Variants in FRMD4A observed in about 807,000 individuals in gnomAD.
FRMD4A encodes FERM domain containing 4A.
In FRMD4A, 29 loss-of-function variants were observed where a neutral mutation model predicts 129.1. The observed-to-expected ratio is 0.22, with a 90% CI of 0.17 to 0.31. The LOEUF is 0.31. FRMD4A is among the 10% of genes least tolerant of loss of function. FRMD4A has a pLI of 1.00. For missense variants in FRMD4A, 1,272 were observed against 1,375.8 expected (o/e 0.92, Z 1.19); for synonymous variants, 634 against 571.6 (o/e 1.11, Z -1.56).
chr10:14,064,843 G>A (rs1249881513), intron 2 of FRMD4A, among the ~76,000 whole-genome samples: 3 of 152,146 alleles, frequency 2.0e-5, no homozygotes, highest in Non-Finnish European at 4.4e-5. Context: ...CTCCCAAAGT[G>A]CTGGGAGTAA....
At chr10:13,685,522 T>C (rs2084989884) in intron 15 of FRMD4A, 1 of 985,214 alleles carries the variant, frequency 1.0e-6, no homozygotes, top group African/African-American at 1.7e-5. Context: ...CTTGTTAGGC[T>C]ATTGCAATAC....
intron 2 of FRMD4A, chr10:13,866,296 A>C: frequency 1.0e-6 from 1 of 981,432 alleles, no homozygotes; most frequent in Non-Finnish European, 1.2e-6. Context: ...ACAGTCCCTT[A>C]AACCACAGGA....
At chr10:13,853,853 A>C (rs962598926) in intron 3 of FRMD4A, among the ~76,000 whole-genome samples, 5 of 150,080 alleles carry the variant, frequency 3.3e-5, no homozygotes, top group East Asian at 1.9e-4. Flanking sequence ...AAAAAAAAAA[A>C]CCCAAAAAGT....
intron 2 of FRMD4A, among the ~76,000 whole-genome samples, chr10:13,878,830 A>AGGAAGGAAGGAAGGAT (rs2094517465): frequency 6.7e-6 from 1 of 149,678 alleles, no homozygotes; most frequent in Non-Finnish European, 1.5e-5. Context: ...GAGGGAAGGA[A>AGGAAGGAAGGAAGGAT]GGAAGGAAGG....
chr10:13,739,283 C>T (rs1172921578), intron 11 of FRMD4A, among the ~76,000 whole-genome samples: 3 of 152,184 alleles, frequency 2.0e-5, no homozygotes, highest in African/African-American at 7.2e-5. Flanking sequence ...ACCCCTGCCT[C>T]TGGGAAGCAG....
intron 2 of FRMD4A, among the ~76,000 whole-genome samples, chr10:14,106,017 G>A (rs1454004210): frequency 6.6e-6 from 1 of 152,212 alleles, no homozygotes; most frequent in East Asian, 1.9e-4. Flanking sequence ...ATTCTTTAGG[G>A]ATTGCAAATG....
intron 2 of FRMD4A, among the ~76,000 whole-genome samples, chr10:14,310,691 A>G (rs1343245710): frequency 6.6e-6 from 1 of 152,160 alleles, no homozygotes; most frequent in African/African-American, 2.4e-5. Context: ...GCGCTATGCA[A>G]AGGGCACACC....
intron 2 of FRMD4A, among the ~76,000 whole-genome samples, chr10:14,296,438 C>T (rs775474863): frequency 7.9e-5 from 12 of 152,176 alleles, no homozygotes; most frequent in Non-Finnish European, 1.8e-4. Context: ...GCCTCTGGGC[C>T]TGTCCTTCCA....
At chr10:13,780,800 T>C (rs2130775079) in intron 6 of FRMD4A, among the ~76,000 whole-genome samples, 1 of 152,102 alleles carries the variant, frequency 6.6e-6, no homozygotes, top group Admixed American at 6.5e-5. Context: ...AAATGAAAAA[T>C]AGAAGTACCC....
intron 19 of FRMD4A, among the ~76,000 whole-genome samples, chr10:13,662,763 G>A (rs1268047359): frequency 2.6e-5 from 4 of 152,186 alleles, no homozygotes; most frequent in African/African-American, 9.7e-5. Flanking sequence ...GCAACAGAGG[G>A]TGTGTTCCAT....
intron 2 of FRMD4A, among the ~76,000 whole-genome samples, chr10:14,134,285 A>T (rs895749636): frequency 1.3e-5 from 2 of 148,898 alleles, no homozygotes; most frequent in Non-Finnish European, 3.0e-5. Flanking sequence ...GGATGGATGG[A>T]TAGGTAGATA....
intron 2 of FRMD4A, among the ~76,000 whole-genome samples, chr10:13,974,570 A>G (rs2095534338): frequency 1.3e-5 from 2 of 152,178 alleles, no homozygotes; most frequent in Non-Finnish European, 2.9e-5. Flanking sequence ...TCTGTCGCCC[A>G]GGGTGGAATG....
chr10:14,012,435 C>G (rs1045905103), intron 2 of FRMD4A, among the ~76,000 whole-genome samples: 19 of 152,248 alleles, frequency 1.2e-4, no homozygotes, highest in African/African-American at 4.6e-4. Flanking sequence ...TCTTGACATG[C>G]CACAGCAAGA....
chr10:13,723,177 T>G (rs1254010839), intron 12 of FRMD4A, among the ~76,000 whole-genome samples: 2 of 151,774 alleles, frequency 1.3e-5, no homozygotes, highest in Non-Finnish European at 2.9e-5. Context: ...TAGCTAGGTC[T>G]CCAAGCTGGT....
At chr10:13,672,684 C>A (rs1158561416) in intron 16 of FRMD4A, among the ~76,000 whole-genome samples, 2 of 151,784 alleles carry the variant, frequency 1.3e-5, no homozygotes, top group Non-Finnish European at 2.9e-5. Context: ...CGGCTTGGTG[C>A]CTCCCTATAT....
intron 2 of FRMD4A, among the ~76,000 whole-genome samples, chr10:14,003,370 C>T (rs1393273250): frequency 1.3e-5 from 2 of 152,102 alleles, no homozygotes; most frequent in Admixed American, 6.5e-5. Context: ...CGAAGTTCAT[C>T]GTGGACATGC....
chr10:13,809,339 T>C (rs1422567579), intron 4 of FRMD4A, among the ~76,000 whole-genome samples: 2 of 152,196 alleles, frequency 1.3e-5, no homozygotes, highest in Non-Finnish European at 2.9e-5. Context: ...TTAGTAAACT[T>C]ACGTGGGAAA....
At chr10:14,293,823 A>G (rs1428650382) in intron 2 of FRMD4A, among the ~76,000 whole-genome samples, 2 of 152,244 alleles carry the variant, frequency 1.3e-5, no homozygotes, top group Non-Finnish European at 2.9e-5. Context: ...TCGTGAAAAT[A>G]TGGAAACAAG....
chr10:14,232,698 T>C lies in FRMD4A; in HGVS notation c.45+97360A>G, dbSNP rs529007390. ...TCTTTTATTGCAATTGTGAATGGGA[T>C]TGTGTTCTTGACTTGGCTCTGAGCT... On this transcript the variant is annotated intron_variant, in intron 2 of 24. Coordinates refer to ENST00000357447, the MANE Select transcript of FRMD4A (RefSeq NM_018027.5). 2.6e-5 allele frequency among the ~76,000 whole-genome samples: 4 copies of C among 152,316 alleles called. No individual in the cohort carries two copies. In the South Asian group the frequency reaches 8.3e-4, roughly 32 times the overall value.
Sources: allele counts gnomAD v4.1 joint callset (sites outside exome capture counted in the v4.1 genomes callset), GRCh38; gene constraint gnomAD v4.1.1; transcripts MANE v1.5; gene names NCBI Gene and HGNC (gene_info 2026-07-23, HGNC 2026-07-21).